Variants in SOX14 observed in about 807,000 individuals in gnomAD.
SOX14 encodes the protein transcription factor SOX-14.
A neutral mutation model predicts 14.8 loss-of-function variants in SOX14; 5 were observed. That is an observed-to-expected ratio of 0.34 (90% CI 0.18 to 0.71). The LOEUF is 0.71. SOX14 is among the 30% of genes least tolerant of loss of function. The pLI is 0.64. For missense variants in SOX14, 270 were observed against 329.7 expected, an observed-to-expected ratio of 0.82 and a Z score of 1.40; for synonymous variants, 164 against 146.3, an observed-to-expected ratio of 1.12 and a Z score of -0.87.
In SOX14 at chr3:137,764,809, A is replaced by T; in HGVS notation, c.25A>T (p.Lys9Ter). The T allele has an allele frequency of 6.2e-7, 1 of 1,614,108 alleles. No homozygotes were observed. The highest frequency in any genetic ancestry group is 8.5e-7 in the Non-Finnish European group (1 of 1,180,024). Residue 9 changes from lysine (K) to a stop codon, truncating the protein, a stop_gained, in exon 1 of 1, where the codon AAG (lysine) becomes TAG (stop). Coordinates refer to ENST00000306087, the MANE Select transcript of SOX14 (RefSeq NM_004189.4). LOFTEE classifies it high-confidence loss of function. MSKPSDHIKRPMNAFMVWS... is the reference protein window; with the variant it reads MSKPSDHI ...CATGTCCAAACCTTCAGACCACATC[A>T]AGCGGCCCATGAACGCCTTCATGGT...
Position 137,764,511 on chromosome 3 carries a change from G to A in SOX14, c.-274G>A, listed in dbSNP as rs1201545564. 2 of 466,150 alleles carry A rather than the reference G, an allele frequency of 4.3e-6. No individual in the cohort carries two copies. The highest frequency in any genetic ancestry group is 3.8e-5 in the Admixed American group (1 of 25,992). The allele number at this position is 466,150 out of a possible 1,614,324, so 28.9% of individuals were successfully genotyped here. A position where few individuals can be genotyped will look rare whatever the true frequency, so the allele number is the denominator to read the frequency against. On this transcript the variant is annotated 5_prime_UTR_variant, in exon 1 of 1. Coordinates refer to ENST00000306087, the MANE Select transcript of SOX14 (RefSeq NM_004189.4). ...CGGAGACTCCGATACTTGGGTCCCAGCCCCTGGTGCCTGAAGCCCCCCGGC... is the reference window on the plus strand; with the variant it reads ...CGGAGACTCCGATACTTGGGTCCCAACCCCTGGTGCCTGAAGCCCCCCGGC...
Position 137,765,439 on chromosome 3 carries a change from A to G in SOX14, c.655A>G (p.Ile219Val). The G allele has an allele frequency of 6.2e-7, 1 of 1,613,774 alleles. No homozygotes were observed. Among genetic ancestry groups the G allele is most frequent in the Non-Finnish European group, 8.5e-7 (1 of 1,179,926 alleles). Residue 219 changes from isoleucine (I) to valine (V), a missense_variant, in exon 1 of 1, where the codon ATC becomes GTC. Ile to Val is a conservative substitution (Grantham distance 29). This residue lies in a region of SOX14 where 207 missense variants were observed against 210.9 expected (regional missense o/e 0.98). Coordinates refer to ENST00000306087, the MANE Select transcript of SOX14 (RefSeq NM_004189.4). The stretch of plus-strand genomic sequence containing the variant: ...CACCCTGCAGCCCCCCGTCGCCTAC[A>G]TCCTCTTCCCAGGCATGACCAAGAC... ...ASTLQPPVAY[I>V]LFPGMTKTGI...
At position 137,764,661 on chromosome 3, in the gene SOX14, C is replaced by G. The variant is rs573524222; in HGVS notation, c.-124C>G. 1 of 1,264,988 alleles carries G rather than the reference C, an allele frequency of 7.9e-7. No homozygotes were observed. Among genetic ancestry groups the G allele is most frequent in the Admixed American group, 2.3e-5 (1 of 43,666 alleles). The allele number at this position is 1,264,988 out of a possible 1,614,324, so 78.4% of individuals were successfully genotyped here. ...GCGCTTCTCTCTGGCTTCCCCTCAGCGGCGCCAAGGCGAGGGGAGCGCAGA... is the reference window on the plus strand; with the variant it reads ...GCGCTTCTCTCTGGCTTCCCCTCAGGGGCGCCAAGGCGAGGGGAGCGCAGA... On this transcript the variant is annotated 5_prime_UTR_variant, in exon 1 of 1. Transcript: ENST00000306087.
At position 137,765,507 on chromosome 3, in the gene SOX14, A is replaced by G. The variant is rs1939228737; in HGVS notation, c.723A>G (p.Ter241=). The G allele has an allele frequency of 6.3e-7, 1 of 1,593,340 alleles. No individual in the cohort carries two copies. The highest frequency in any genetic ancestry group is 1.3e-5 in the African/African-American group (1 of 74,550). ...PYSSAHATAM[*] is the part of the protein sequence containing the mutation. ...CGTCAGCCCACGCTACGGCCATGTA[A>G]CCCCCAGCCCGGCCCGGACCTGAGG... The change falls in exon 1 of 1, where the codon TAA becomes TAG. Residue 241 remains the stop codon, a stop_retained_variant. Coordinates refer to ENST00000306087, the MANE Select transcript of SOX14 (RefSeq NM_004189.4).
In SOX14 at chr3:137,765,770, T is replaced by C. The variant is rs535479791; in HGVS notation, c.*263T>C. On this transcript the variant is annotated 3_prime_UTR_variant, in exon 1 of 1. Transcript: ENST00000306087. ...GACTCTCCCAAAACAAATCTCCGAC[T>C]GTACCCCCTTTGGACAAAAAAGTAG... 9.9e-4 allele frequency: 429 copies of C among 435,044 alleles called. 1 individual carries two copies. The East Asian group carries it at 0.015, about 15-fold the overall frequency. 26.9% of individuals were successfully genotyped at this position (435,044 alleles called of 1,614,324 possible). A position where few individuals can be genotyped will look rare whatever the true frequency, so the allele number is the denominator to read the frequency against.
Position 137,765,090 on chromosome 3 carries a change from G to C in SOX14, c.306G>C (p.Thr102=). Residue 102 remains threonine (T), a synonymous_variant, in exon 1 of 1, where the codon ACG becomes ACC. Coordinates refer to ENST00000306087, the MANE Select transcript of SOX14 (RefSeq NM_004189.4). ...TCCCCTTGCCCTACCTGGGCGACAC[G>C]GACCCGCTCAAGGCGGCTGGCCTGC... is the stretch of plus-strand genomic sequence containing the variant. ...YVFPLPYLGD[T]DPLKAAGLPV... is the part of the protein sequence containing the mutation. 1 of 1,614,054 alleles carries C rather than the reference G, an allele frequency of 6.2e-7. No individual in the cohort carries two copies. Among genetic ancestry groups the C allele is most frequent in the East Asian group, 2.2e-5 (1 of 44,868 alleles).
In SOX14 at chr3:137,764,973, G is replaced by A; in HGVS notation, c.189G>A (p.Arg63=). 1 of 1,614,278 alleles carries A rather than the reference G, an allele frequency of 6.2e-7. No homozygotes were observed. Among genetic ancestry groups the A allele is most frequent in the South Asian group, 1.1e-5 (1 of 91,090 alleles). The change falls in exon 1 of 1, where the codon CGG becomes CGA. Residue 63 remains arginine (R), a synonymous_variant. Coordinates refer to ENST00000306087, the MANE Select transcript of SOX14 (RefSeq NM_004189.4). ...EKRPYIDEAK[R]LRAQHMKEHP... is the part of the protein sequence containing the mutation. ...GGCCATACATCGATGAAGCCAAGCG[G>A]CTACGCGCCCAGCACATGAAGGAGC...
At position 137,764,738 on chromosome 3, in the gene SOX14, G is replaced by A. The variant is rs371764590; in HGVS notation, c.-47G>A. On this transcript the variant is annotated 5_prime_UTR_variant, in exon 1 of 1. Transcript: ENST00000306087. ...CGGCCAGCCGCGCCCAGGCTCGTCT[G>A]CAGAACCCTTGCACTCCCTACCCCC... 9.4e-6 allele frequency: 15 copies of A among 1,592,558 alleles called. 1 individual carries two copies. The highest frequency in any genetic ancestry group is 3.6e-5 in the Admixed American group (2 of 55,894).
rs1014712604 is a variant in SOX14 at position 137,764,528 on chromosome 3, C to G, written c.-257C>G. 9.7e-5 allele frequency: 30 copies of G among 309,774 alleles called. No homozygotes were observed. The highest frequency in any genetic ancestry group is 4.2e-4 in the African/African-American group (20 of 47,080). The allele number at this position is 309,774 out of a possible 1,614,324, so 19.2% of individuals were successfully genotyped here. ...GGGTCCCAGCCCCTGGTGCCTGAAG[C>G]CCCCCGGCCGATCGCCCTCTCCTCC... On this transcript the variant is annotated 5_prime_UTR_variant, in exon 1 of 1. Transcript: ENST00000306087.
Position 137,765,221 on chromosome 3 carries a change from C to G in SOX14, c.437C>G (p.Ser146Trp). 3 of 1,610,442 alleles carry G rather than the reference C, an allele frequency of 1.9e-6. No homozygotes were observed. The highest frequency in any genetic ancestry group is 2.5e-6 in the Non-Finnish European group (3 of 1,178,528). ...CTGCTGGACCCCGCGCAGTTTAGCT[C>G]GAGCGCCATCCAGAAGATGGGCGAA... ...YSLLDPAQFS[S>W]SAIQKMGEVP... Residue 146 changes from serine to tryptophan, a missense_variant, in exon 1 of 1, where the codon TCG becomes TGG. Ser to Trp is a radical substitution (Grantham distance 177, BLOSUM62 -3). This residue lies in a region of SOX14 where 207 missense variants were observed against 210.9 expected (regional missense o/e 0.98). Coordinates refer to ENST00000306087, the MANE Select transcript of SOX14 (RefSeq NM_004189.4).
rs771969974 is a variant in SOX14, at chr3:137,765,035, A to G, written c.251A>G (p.Lys84Arg). 9 of 1,614,148 alleles carry G rather than the reference A, an allele frequency of 5.6e-6. No homozygotes were observed. The highest frequency in any genetic ancestry group is 2.5e-6 in the Non-Finnish European group (3 of 1,180,042). The change falls in exon 1 of 1, where the codon AAG (lysine) becomes AGG (arginine). Residue 84 changes from lysine (K) to arginine (R), a missense_variant. Lys to Arg is a conservative substitution (Grantham distance 26). Coordinates refer to ENST00000306087, the MANE Select transcript of SOX14 (RefSeq NM_004189.4). ...DYKYRPRRKPKNLLKKDRYVF... is the reference protein window; with the variant it reads ...DYKYRPRRKPRNLLKKDRYVF... ...AAGTACCGACCTCGGCGCAAGCCCA[A>G]GAACCTGCTCAAGAAGGACAGGTAT...
chr3:137,764,551 T>A lies in SOX14; in HGVS notation c.-234T>A. ...AGCCCCCCGGCCGATCGCCCTCTCC[T>A]CCCCCGCCCTTTCTGCCCCCACTCG... On this transcript the variant is annotated 5_prime_UTR_variant, in exon 1 of 1. Coordinates refer to ENST00000306087, the MANE Select transcript of SOX14 (RefSeq NM_004189.4). 4.2e-5 allele frequency: 3 copies of A among 71,256 alleles called. No individual in the cohort carries two copies. The highest frequency in any genetic ancestry group is 7.2e-3 in the Middle Eastern group (1 of 138). 4.4% of individuals were successfully genotyped at this position (71,256 alleles called of 1,614,324 possible). A position where few individuals can be genotyped will look rare whatever the true frequency, so the allele number is the denominator to read the frequency against.
Position 137,765,648 on chromosome 3 carries a change from T to G in SOX14, c.*141T>G. 8.7e-7 allele frequency: 1 copy of G among 1,155,032 alleles called. No individual in the cohort carries two copies. Among genetic ancestry groups the G allele is most frequent in the Non-Finnish European group, 1.2e-6 (1 of 850,350 alleles). 71.5% of individuals were successfully genotyped at this position (1,155,032 alleles called of 1,614,324 possible). ...CACCACCCAGACTTTTCCTCTCTCT[T>G]CCAGGGGGAAGGGTGGGGCGTCCTC... On this transcript the variant is annotated 3_prime_UTR_variant, in exon 1 of 1. Coordinates refer to ENST00000306087, the MANE Select transcript of SOX14 (RefSeq NM_004189.4).
Position 137,764,759 on chromosome 3 carries a change from C to A in SOX14, c.-26C>A. 6.2e-7 allele frequency: 1 copy of A among 1,611,010 alleles called. No individual in the cohort carries two copies. The highest frequency in any genetic ancestry group is 8.5e-7 in the Non-Finnish European group (1 of 1,178,968). On this transcript the variant is annotated 5_prime_UTR_variant, in exon 1 of 1. Coordinates refer to ENST00000306087, the MANE Select transcript of SOX14 (RefSeq NM_004189.4). ...GTCTGCAGAACCCTTGCACTCCCTA[C>A]CCCCACCCACCTAGCCGCCGGGACC... is the stretch of plus-strand genomic sequence containing the variant.
At position 137,765,626 on chromosome 3, in the gene SOX14, C is replaced by A; in HGVS notation, c.*119C>A. ...TCAGCCCTGCCGCTGTCCCTTACAC[C>A]ACCCAGACTTTTCCTCTCTCTTCCA... On this transcript the variant is annotated 3_prime_UTR_variant, in exon 1 of 1. Transcript: ENST00000306087. 7.7e-7 allele frequency: 1 copy of A among 1,298,322 alleles called. No homozygotes were observed. The allele number at this position is 1,298,322 out of a possible 1,614,324, so 80.4% of individuals were successfully genotyped here.
Position 137,764,600 on chromosome 3 carries a change from T to G in SOX14, c.-185T>G. 3.5e-6 allele frequency: 1 copy of G among 283,464 alleles called. No homozygotes were observed. Among genetic ancestry groups the G allele is most frequent in the Non-Finnish European group, 5.3e-6 (1 of 187,350 alleles). The allele number at this position is 283,464 out of a possible 1,614,324, so 17.6% of individuals were successfully genotyped here. A position where few individuals can be genotyped will look rare whatever the true frequency, so the allele number is the denominator to read the frequency against. On this transcript the variant is annotated 5_prime_UTR_variant, in exon 1 of 1. Coordinates refer to ENST00000306087, the MANE Select transcript of SOX14 (RefSeq NM_004189.4). ...CGCTCCCCCGGGGCTGCCTGGGCGC[T>G]GGGACTGGCATGATCAGCTGAACTT...
In SOX14 at chr3:137,764,728, A is replaced by C. The variant is rs1939210116; in HGVS notation, c.-57A>C. On this transcript the variant is annotated 5_prime_UTR_variant, in exon 1 of 1. Transcript: ENST00000306087. ...GACAGACAGACGGCCAGCCGCGCCC[A>C]GGCTCGTCTGCAGAACCCTTGCACT... 6.4e-7 allele frequency: 1 copy of C among 1,572,616 alleles called. No homozygotes were observed. Among genetic ancestry groups the C allele is most frequent in the Non-Finnish European group, 8.6e-7 (1 of 1,162,478 alleles).
Position 137,765,156 on chromosome 3 carries a change from A to G in SOX14, c.372A>G (p.Lys124=). 6.2e-7 allele frequency: 1 copy of G among 1,612,826 alleles called. No homozygotes were observed. ...ACGGCCTCCTGAGCGCGCCCGAGAA[A>G]GCCCGGGCCTTCTTGCCGCCGGCCT... ...ASDGLLSAPE[K]ARAFLPPASA... Residue 124 remains lysine, a synonymous_variant, in exon 1 of 1, where the codon AAA becomes AAG. Coordinates refer to ENST00000306087, the MANE Select transcript of SOX14 (RefSeq NM_004189.4).
rs1323015521 is a variant in SOX14, at chr3:137,765,585, G to A, written c.*78G>A. 35 of 1,501,146 alleles carry A rather than the reference G, an allele frequency of 2.3e-5. No homozygotes were observed. The highest frequency in any genetic ancestry group is 8.9e-6 in the Non-Finnish European group (10 of 1,122,570). 93.0% of individuals were successfully genotyped at this position (1,501,146 alleles called of 1,614,324 possible). A position where few individuals can be genotyped will look rare whatever the true frequency, so the allele number is the denominator to read the frequency against. ...TGTCCTCTGAGCCTAGCCCCGGCCT[G>A]CAGACGCCTCCGGGGTCAGCCCTGC... On this transcript the variant is annotated 3_prime_UTR_variant, in exon 1 of 1. Transcript: ENST00000306087.
Sources: gnomAD v4.1 joint callset for allele counts on GRCh38, gnomAD v4.1.1 for gene constraint, gnomAD v4.1.1 regional missense constraint, MANE v1.5 for transcripts, NCBI Gene and HGNC (gene_info 2026-07-23, HGNC 2026-07-21) for gene names.